Variants in N4BP2 observed in about 807,000 individuals in gnomAD.
The protein encoded by N4BP2 is NEDD4-binding protein 2.
In N4BP2, 91 loss-of-function variants were observed where a neutral mutation model predicts 152.8. The ratio of observed to expected loss-of-function variants is 0.60; its 90% CI spans 0.50 to 0.71. The LOEUF (loss-of-function observed/expected upper bound fraction) is 0.71. Ranked by LOEUF, N4BP2 falls within the 30% of genes least tolerant of loss-of-function variation. N4BP2 has a pLI of 0.00. For missense variants in N4BP2, 1,923 were observed against 2,059.1 expected (o/e 0.93, Z 1.28); for synonymous variants, 646 against 705.3 (o/e 0.92, Z 1.33).
chr4:40,112,009 A>G (rs1716929967), intron 5 of N4BP2, 75 bp from the exon 6 acceptor site: 3 of 759,274 alleles, frequency 4.0e-6, no homozygotes. Flanking sequence ...AAATTATGAA[A>G]AGATCAGATT....
intron 16 of N4BP2, among the ~76,000 whole-genome samples, chr4:40,145,389 A>G (rs1002376120): frequency 6.6e-6 from 1 of 152,096 alleles, no homozygotes; most frequent in Middle Eastern, 3.4e-3. Flanking sequence ...AAGCCTAGCT[A>G]GTTTTTGTAT....
chr4:40,128,601 C>T (rs1390022021), intron 12 of N4BP2, among the ~76,000 whole-genome samples: 1 of 151,232 alleles, frequency 6.6e-6, no homozygotes, highest in Non-Finnish European at 1.5e-5. Context: ...GTTCTTGGCA[C>T]ACTGCAACCT....
chr4:40,082,590 C>T (rs572000552), intron 2 of N4BP2, among the ~76,000 whole-genome samples: 4 of 152,178 alleles, frequency 2.6e-5, no homozygotes, highest in South Asian at 4.1e-4. Flanking sequence ...CCCAGGACTT[C>T]GAGACCAGCG....
chr4:40,155,085 T>C lies in N4BP2; in HGVS notation c.*848T>C, dbSNP rs953770529. 1 of 152,224 alleles carries C rather than the reference T, an allele frequency of 6.6e-6. No individual in the cohort carries two copies. Among genetic ancestry groups the C allele is most frequent in the Non-Finnish European group, 1.5e-5 (1 of 68,048 alleles). The allele number at this position is 152,224 out of a possible 1,614,324, so 9.4% of individuals were successfully genotyped here. On this transcript the variant is annotated 3_prime_UTR_variant, in exon 18 of 18. Coordinates refer to ENST00000261435, the MANE Select transcript of N4BP2 (RefSeq NM_018177.6). ...GTAGGTTAAAATTCTATTAAACAAATATAGAAAATATTTTGTTTATAATTG... is the reference window on the plus strand; with the variant it reads ...GTAGGTTAAAATTCTATTAAACAAACATAGAAAATATTTTGTTTATAATTG...
At chr4:40,060,032 C>T (rs1578923244) in intron 1 of N4BP2, among the ~76,000 whole-genome samples, 1 of 151,824 alleles carries the variant, frequency 6.6e-6, no homozygotes, top group East Asian at 1.9e-4. Context: ...CAGGGTCTCA[C>T]TATGTTGCTC....
Position 40,142,784 on chromosome 4 carries a change from A to G in N4BP2, c.4897A>G (p.Arg1633Gly), listed in dbSNP as rs1414158386. ...AGAGGCTTTCCTTCACCAACAGAAG[A>G]GGATGGAGTGCTACAGCAAGGCCAA... ...RAEAFLHQQK[R>G]MECYSKAKEA... Residue 1633 changes from arginine (R) to glycine (G), a missense_variant, in exon 15 of 18, where the codon AGG (arginine) becomes GGG (glycine). Arg to Gly is a moderately radical substitution (Grantham distance 125). Transcript: ENST00000261435. The G allele has an allele frequency of 1.2e-6, 2 of 1,614,188 alleles. No homozygotes were observed. Among genetic ancestry groups the G allele is most frequent in the East Asian group, 2.2e-5 (1 of 44,872 alleles).
At chr4:40,135,558 CTTTCTTTCTTTCT>C (rs1228594584) in intron 13 of N4BP2, among the ~76,000 whole-genome samples, 1 of 152,028 alleles carries the variant, frequency 6.6e-6, no homozygotes, top group Non-Finnish European at 1.5e-5. Context: ...AGTTTACAGT[CTTTCTTTCTTTCT>C]TTTCTTTCTT....
At chr4:40,108,152 T>C (rs1716507343) in intron 5 of N4BP2, among the ~76,000 whole-genome samples, 1 of 151,648 alleles carries the variant, frequency 6.6e-6, no homozygotes, top group South Asian at 2.1e-4. Flanking sequence ...CAGGCTTGTC[T>C]CAAACTCCTG....
the N4BP2 span, among the ~76,000 whole-genome samples, chr4:40,169,027 A>G: frequency 6.6e-6 from 1 of 151,712 alleles, no homozygotes; most frequent in African/African-American, 2.4e-5. Context: ...CGCCTGGCCA[A>G]ATATATATAT....
chr4:40,075,963 A>C lies in N4BP2; in HGVS notation c.-115+2412A>C, dbSNP rs563485131. ...TACCTCAGTCTCCTGAGCAGCTGGG[A>C]CTACAGGCATGTACCACCAGGCCTA... is the stretch of plus-strand genomic sequence containing the variant. On this transcript the variant is annotated intron_variant, in intron 2 of 17. Transcript: ENST00000261435. Among the ~76,000 whole-genome samples the C allele has an allele frequency of 5.5e-4, 83 of 152,274 alleles. 1 individual carries two copies. In the South Asian group the frequency reaches 8.5e-3, roughly 16 times the overall value.
Position 40,152,866 on chromosome 4 carries a change from C to G in N4BP2, c.5230C>G (p.Pro1744Ala). 6.2e-7 allele frequency: 1 copy of G among 1,613,990 alleles called. No individual in the cohort carries two copies. Among genetic ancestry groups the G allele is most frequent in the Non-Finnish European group, 8.5e-7 (1 of 1,179,910 alleles). Residue 1744 changes from proline to alanine, a missense_variant, in exon 17 of 18, where the codon CCA (proline) becomes GCA (alanine). Coordinates refer to ENST00000261435, the MANE Select transcript of N4BP2 (RefSeq NM_018177.6). ...HSQGGVARIKPAVIKYLISHS... is the reference protein window; with the variant it reads ...HSQGGVARIKAAVIKYLISHS... The stretch of plus-strand genomic sequence containing the variant: ...CCAGGGAGGAGTTGCTCGCATCAAA[C>G]CAGCTGTCATTAAGTACCTCATAAG...
At chr4:40,159,638 C>T (rs754545903), downstream of N4BP2, among the ~76,000 whole-genome samples, 51 of 152,108 alleles carry the variant, frequency 3.4e-4, no homozygotes, top group Admixed American at 1.2e-3. Flanking sequence ...TCCTATTGAC[C>T]AGAACCTAGT....
At chr4:40,175,947 G>A in the N4BP2 span, among the ~76,000 whole-genome samples, 24 of 151,752 alleles carry the variant, frequency 1.6e-4, no homozygotes, top group African/African-American at 5.1e-4. Flanking sequence ...AAAATTAGCC[G>A]GGCGCGGTGG....
At chr4:40,080,325 T>C (rs575916413) in intron 2 of N4BP2, among the ~76,000 whole-genome samples, 56 of 150,396 alleles carry the variant, frequency 3.7e-4, no homozygotes, top group African/African-American at 1.2e-3. Context: ...TATATATATA[T>C]ACACACACAC....
chr4:40,087,677 G>GC (rs1349951162), intron 2 of N4BP2, among the ~76,000 whole-genome samples: 2 of 149,498 alleles, frequency 1.3e-5, no homozygotes, highest in Non-Finnish European at 3.0e-5. Context: ...CGTGCACCCC[G>GC]CCCCCTCCGC....
At chr4:40,087,898 C>T (rs1337318816) in intron 2 of N4BP2, among the ~76,000 whole-genome samples, 1 of 152,006 alleles carries the variant, frequency 6.6e-6, no homozygotes, top group Non-Finnish European at 1.5e-5. Context: ...CAATGCCCAG[C>T]TAATTTTTGT....
intron 2 of N4BP2, among the ~76,000 whole-genome samples, chr4:40,078,751 C>T (rs2109913131): frequency 6.6e-6 from 1 of 151,854 alleles, no homozygotes; most frequent in East Asian, 2.0e-4. Context: ...TGGTCTTAGA[C>T]TCCTGGGGTC....
intron 7 of N4BP2, among the ~76,000 whole-genome samples, 157 bp downstream of exon 7, chr4:40,113,665 TTG>T (rs1717103530): frequency 6.6e-6 from 1 of 152,232 alleles, no homozygotes; most frequent in African/African-American, 2.4e-5. Context: ...AAGAGTTTCT[TTG>T]TGTTTCTAAA....
chr4:40,122,830 AT>A (rs1208830026), intron 9 of N4BP2, among the ~76,000 whole-genome samples: 2 of 152,210 alleles, frequency 1.3e-5, no homozygotes, highest in African/African-American at 4.8e-5. Flanking sequence ...TTTAGAACAT[AT>A]TTATTGAAAA....
Sources: gnomAD v4.1 joint callset for allele counts (sites outside exome capture counted in the v4.1 genomes callset) on GRCh38, gnomAD v4.1.1 for gene constraint, MANE v1.5 for transcripts, NCBI Gene and HGNC (gene_info 2026-07-23, HGNC 2026-07-21) for gene names.